Variants in PCDH15 observed in about 807,000 individuals in gnomAD.
PCDH15 encodes protocadherin-15.
PCDH15 carries 129 observed loss-of-function variants against 178.5 expected under a neutral mutation model. The observed-to-expected ratio is 0.72, with a 90% confidence interval of 0.63 to 0.84. PCDH15 has a LOEUF of 0.84. Among genes scored for constraint, PCDH15 ranks in the 40% least tolerant of loss-of-function variants. PCDH15 has a pLI of 0.00. For missense variants in PCDH15, 2,230 were observed against 2,099.9 expected, an observed-to-expected ratio of 1.06 and a Z score of -1.21; for synonymous variants, 800 against 732.0, an observed-to-expected ratio of 1.09 and a Z score of -1.50.
chr10:55,590,770 G>A (rs1842828449), intron 2 of PCDH15, among the ~76,000 whole-genome samples: 1 of 152,020 alleles, frequency 6.6e-6, no homozygotes, highest in Non-Finnish European at 1.5e-5. Flanking sequence ...TGGTCATATG[G>A]TATATCATCA....
intron 3 of PCDH15, among the ~76,000 whole-genome samples, chr10:54,387,702 T>C (rs1026258748): frequency 2.0e-5 from 3 of 152,172 alleles, no homozygotes; most frequent in African/African-American, 7.2e-5. Context: ...TAATTCCTGT[T>C]TCTTGCACAT....
chr10:54,729,314 T>A (rs967333766), intron 1 of PCDH15, among the ~76,000 whole-genome samples: 1 of 151,606 alleles, frequency 6.6e-6, no homozygotes, highest in Non-Finnish European at 1.5e-5. Flanking sequence ...AAACAACCAA[T>A]GGGAAACAAC....
chr10:55,589,081 CAA>C (rs35940637), intron 2 of PCDH15, among the ~76,000 whole-genome samples: 8 of 81,160 alleles, frequency 9.9e-5, no homozygotes, highest in African/African-American at 9.0e-5. Flanking sequence ...AATTCCGTGT[CAA>C]AAAAAAAAAA....
chr10:55,137,601 A>T (rs560630178), intron 2 of PCDH15, among the ~76,000 whole-genome samples: 1 of 86,298 alleles, frequency 1.2e-5, no homozygotes, highest in East Asian at 2.3e-4. Flanking sequence ...GAAAATTGAC[A>T]AATTTATTCA....
chr10:55,184,404 G>A (rs184319288), intron 1 of PCDH15, among the ~76,000 whole-genome samples: 6 of 151,942 alleles, frequency 3.9e-5, no homozygotes, highest in African/African-American at 1.4e-4. Flanking sequence ...CTATTTTAGT[G>A]CTTATTTATT....
chr10:55,501,585 A>G, intron 2 of PCDH15, among the ~76,000 whole-genome samples: 1 of 151,916 alleles, frequency 6.6e-6, no homozygotes, highest in East Asian at 1.9e-4. Flanking sequence ...GTGTTTTAGA[A>G]AATAAAAGTT....
At chr10:54,373,725 T>C (rs893121609) in intron 4 of PCDH15, among the ~76,000 whole-genome samples, 2 of 151,938 alleles carry the variant, frequency 1.3e-5, no homozygotes, top group African/African-American at 2.4e-5. Flanking sequence ...TGATCATAAA[T>C]AAAGTCAGTC....
intron 20 of PCDH15, among the ~76,000 whole-genome samples, chr10:54,015,109 TACCAACA>T: frequency 6.6e-6 from 1 of 152,068 alleles, no homozygotes; most frequent in Non-Finnish European, 1.5e-5. Flanking sequence ...CATTCCTATG[TACCAACA>T]ACATCCAAGC....
chr10:55,235,781 C>T lies in PCDH15; in HGVS notation c.-155-69130G>A, dbSNP rs891090564. On this transcript the variant is annotated intron_variant, in intron 1 of 5. Coordinates refer to the PCDH15 transcript ENST00000458638. Reference sequence around the variant, plus strand: ...AATTAGCCGGGCGCGGTGGCATGTACCTGTAGTCCCAGCTACTTGGGAGGC... The same window carrying T: ...AATTAGCCGGGCGCGGTGGCATGTATCTGTAGTCCCAGCTACTTGGGAGGC... Among the ~76,000 whole-genome samples the T allele has an allele frequency of 2.6e-5, 4 of 151,858 alleles. 1 individual carries two copies. Among genetic ancestry groups the T allele is most frequent in the Non-Finnish European group, 5.9e-5 (4 of 67,980 alleles).
chr10:53,873,944 C>T (rs574863756), intron 26 of PCDH15, among the ~76,000 whole-genome samples: 25 of 152,264 alleles, frequency 1.6e-4, no homozygotes, highest in Middle Eastern at 3.4e-3. Flanking sequence ...AGGACGGCCT[C>T]GCTAGGCACT....
intron 3 of PCDH15, among the ~76,000 whole-genome samples, chr10:54,866,035 T>G (rs566286916): frequency 3.9e-5 from 6 of 152,154 alleles, no homozygotes; most frequent in Non-Finnish European, 8.8e-5. Context: ...GTGAGGACTT[T>G]GATAGATGAG....
intron 2 of PCDH15, among the ~76,000 whole-genome samples, chr10:54,942,161 C>A (rs534068575): frequency 6.6e-6 from 1 of 152,144 alleles, no homozygotes; most frequent in South Asian, 2.1e-4. Flanking sequence ...CTTTTTCATT[C>A]TAAATAAATT....
intron 2 of PCDH15, among the ~76,000 whole-genome samples, chr10:55,597,598 C>T (rs1335970890): frequency 2.0e-5 from 3 of 152,114 alleles, no homozygotes; most frequent in African/African-American, 4.8e-5. Flanking sequence ...ATACTTCAAG[C>T]ATCCCTCTCT....
intron 3 of PCDH15, among the ~76,000 whole-genome samples, chr10:54,506,217 A>G (rs1420661381): frequency 1.3e-5 from 2 of 152,102 alleles, no homozygotes; most frequent in African/African-American, 4.8e-5. Flanking sequence ...TTTGGAGTAT[A>G]GTGAAACTCC....
chr10:53,839,365 A>G (rs1589031649), intron 29 of PCDH15, among the ~76,000 whole-genome samples: 1 of 152,066 alleles, frequency 6.6e-6, no homozygotes, highest in Non-Finnish European at 1.5e-5. Context: ...TTCAGAATTT[A>G]TTAATTTGAA....
At chr10:54,341,928 C>G (rs7071743) in intron 6 of PCDH15, among the ~76,000 whole-genome samples, 1 of 152,110 alleles carries the variant, frequency 6.6e-6, no homozygotes, top group Admixed American at 6.5e-5. Context: ...AATTTCTAAG[C>G]AGCAAAGTAT....
chr10:54,664,035 A>C (rs1231373838), intron 2 of PCDH15, 137 bp downstream of exon 2: 5 of 723,298 alleles, frequency 6.9e-6, no homozygotes, highest in Non-Finnish European at 1.2e-5. Context: ...TATTTTAGTT[A>C]AGGTTAATTA....
chr10:54,752,185 G>T (rs1946317688), intron 1 of PCDH15, among the ~76,000 whole-genome samples: 1 of 152,008 alleles, frequency 6.6e-6, no homozygotes, highest in Non-Finnish European at 1.5e-5. Context: ...ACACCATGAA[G>T]AATAAAACAG....
intron 29 of PCDH15, among the ~76,000 whole-genome samples, chr10:53,837,217 G>A (rs932165308): frequency 3.3e-5 from 5 of 151,950 alleles, no homozygotes; most frequent in Non-Finnish European, 7.4e-5. Context: ...TAGAAAAAAT[G>A]TCTGAGAATA....
Sources: allele counts gnomAD v4.1 joint callset (sites outside exome capture counted in the v4.1 genomes callset), GRCh38; gene constraint gnomAD v4.1.1; transcripts MANE v1.5; gene names NCBI Gene and HGNC (gene_info 2026-07-23, HGNC 2026-07-21).